Variants in MIR2052HG observed in about 807,000 individuals in gnomAD.
MIR2052HG encodes MIR2052 host gene.
At chr8:74,664,468 G>C (rs1253192512) in intron 2 of MIR2052HG, among the ~76,000 whole-genome samples, 2 of 151,896 alleles carry the variant, frequency 1.3e-5, no homozygotes, top group African/African-American at 4.8e-5. Flanking sequence ...TGTTCCTTCA[G>C]CTTGTCTTTT....
intron 1 of MIR2052HG, among the ~76,000 whole-genome samples, chr8:74,608,744 G>A (rs971879021): frequency 3.3e-5 from 5 of 151,906 alleles, no homozygotes; most frequent in South Asian, 2.1e-4. Context: ...AAAATATTAC[G>A]AACTGAATGA....
intron 2 of MIR2052HG, among the ~76,000 whole-genome samples, chr8:74,618,120 GC>G (rs1399413668): frequency 1.3e-5 from 2 of 152,086 alleles, no homozygotes; most frequent in Admixed American, 1.3e-4. Flanking sequence ...CCATGTGATG[GC>G]CCCCAATTCC....
At chr8:74,748,773 A>G (rs1199757354) in intron 4 of MIR2052HG, among the ~76,000 whole-genome samples, 2 of 152,194 alleles carry the variant, frequency 1.3e-5, no homozygotes, top group African/African-American at 4.8e-5. Flanking sequence ...TCTTGCTGTG[A>G]AGAACTGCTG....
chr8:74,626,131 C>G (rs980157924), intron 2 of MIR2052HG, among the ~76,000 whole-genome samples: 7 of 152,144 alleles, frequency 4.6e-5, no homozygotes, highest in Non-Finnish European at 8.8e-5. Flanking sequence ...GTGGGTGCCC[C>G]GGGAGAACAG....
chr8:74,602,873 C>CTTTCTTTCTTTCTTTCTTTCT (rs940052573), intron 1 of MIR2052HG, among the ~76,000 whole-genome samples: 6 of 138,800 alleles, frequency 4.3e-5, no homozygotes, highest in East Asian at 2.2e-4. Context: ...TTCTTTCTTT[C>CTTTCTTTCTTTCTTTCTTTCT]TTTTTTCTAT....
chr8:74,741,462 G>T (rs1021777438), intron 4 of MIR2052HG, among the ~76,000 whole-genome samples: 2 of 152,120 alleles, frequency 1.3e-5, no homozygotes, highest in Non-Finnish European at 2.9e-5. Flanking sequence ...TTGGCTTTCA[G>T]CTTCAAAATA....
chr8:74,710,806 GTTTAC>G (rs1049413426), intron 4 of MIR2052HG, among the ~76,000 whole-genome samples: 3 of 152,092 alleles, frequency 2.0e-5, no homozygotes, highest in African/African-American at 7.2e-5. Context: ...TAGGAGATTT[GTTTAC>G]TTTATCTGAT....
intron 1 of MIR2052HG, chr8:74,604,056 TC>T: frequency 1.0e-6 from 1 of 963,254 alleles, no homozygotes; most frequent in Non-Finnish European, 1.7e-6. Context: ...CATTAGCAGG[TC>T]CAGCAAAAGT....
chr8:74,752,446 C>T (rs920139348), exon 5 of MIR2052HG: 17 of 440,148 alleles, frequency 3.9e-5, no homozygotes, highest in African/African-American at 1.3e-4. Flanking sequence ...ACTAGGCCCG[C>T]GTTCAGTCCA....
At chr8:74,732,595 G>C (rs1298521154) in intron 4 of MIR2052HG, among the ~76,000 whole-genome samples, 1 of 152,096 alleles carries the variant, frequency 6.6e-6, no homozygotes, top group Admixed American at 6.6e-5. Context: ...GTAATATAAT[G>C]CTCAGTAAAA....
chr8:74,602,283 A>T (rs1808011717), intron 1 of MIR2052HG, among the ~76,000 whole-genome samples: 1 of 152,202 alleles, frequency 6.6e-6, no homozygotes, highest in Non-Finnish European at 1.5e-5. Flanking sequence ...ATGCTAAAAG[A>T]TACTCCTGCC....
chr8:74,737,426 C>T (rs958236657), intron 4 of MIR2052HG, among the ~76,000 whole-genome samples: 1 of 152,140 alleles, frequency 6.6e-6, no homozygotes, highest in Non-Finnish European at 1.5e-5. Flanking sequence ...TAAATCCCTG[C>T]TTTCGATCTT....
chr8:74,671,280 T>C (rs1231861997), intron 2 of MIR2052HG, among the ~76,000 whole-genome samples: 2 of 152,144 alleles, frequency 1.3e-5, no homozygotes, highest in African/African-American at 4.8e-5. Flanking sequence ...ATGCATTTTG[T>C]GTATTATGAT....
At chr8:74,669,473 A>G (rs1247806755) in intron 2 of MIR2052HG, among the ~76,000 whole-genome samples, 2 of 152,214 alleles carry the variant, frequency 1.3e-5, no homozygotes, top group Non-Finnish European at 2.9e-5. Context: ...CCACTGGCAG[A>G]CAGAGAGATC....
At chr8:74,647,375 G>A (rs1208420814) in intron 2 of MIR2052HG, among the ~76,000 whole-genome samples, 1 of 152,076 alleles carries the variant, frequency 6.6e-6, no homozygotes, top group Non-Finnish European at 1.5e-5. Context: ...CTTACAAGGT[G>A]GTTTGAGGCT....
intron 2 of MIR2052HG, among the ~76,000 whole-genome samples, chr8:74,668,060 A>G (rs1808950425): frequency 1.3e-5 from 2 of 151,352 alleles, no homozygotes; most frequent in Non-Finnish European, 2.9e-5. Flanking sequence ...CTCCCTCTGC[A>G]GGAGTCGCTG....
chr8:74,756,135 G>A (rs866471703), intron 5 of MIR2052HG, among the ~76,000 whole-genome samples: 4 of 152,174 alleles, frequency 2.6e-5, no homozygotes, highest in Non-Finnish European at 5.9e-5. Context: ...ACTCAGGAAA[G>A]TACTATAATT....
intron 2 of MIR2052HG, among the ~76,000 whole-genome samples, chr8:74,639,584 G>A (rs542681238): frequency 1.3e-5 from 2 of 152,212 alleles, no homozygotes; most frequent in Non-Finnish European, 2.9e-5. Flanking sequence ...TGGGAAGGCA[G>A]GAATTGTGTT....
At chr8:74,665,424 A>T (rs1808912010) in intron 2 of MIR2052HG, among the ~76,000 whole-genome samples, 1 of 152,110 alleles carries the variant, frequency 6.6e-6, no homozygotes, top group Admixed American at 6.6e-5. Flanking sequence ...CCCTTTGCAA[A>T]TCATAACTCT....
Sources: allele counts gnomAD v4.1 joint callset (sites outside exome capture counted in the v4.1 genomes callset), GRCh38; gene constraint gnomAD v4.1.1; transcripts MANE v1.5; gene names NCBI Gene and HGNC (gene_info 2026-07-23, HGNC 2026-07-21).